TBX1: variants seen among roughly 807,000 people sequenced by gnomAD.
TBX1 encodes the protein T-box transcription factor TBX1.
A neutral mutation model predicts 40.8 loss-of-function variants in TBX1; 16 were observed. The observed-to-expected ratio is 0.39, with a 90% CI of 0.27 to 0.60. The LOEUF (loss-of-function observed/expected upper bound fraction) is 0.60, where lower values mean the gene tolerates loss of function less well. Among genes scored for constraint, TBX1 ranks in the 20% least tolerant of loss-of-function variants. The pLI is 0.51. For synonymous variants in TBX1, 403 were observed against 336.8 expected (o/e 1.20, Z -2.15); for missense variants, 755 against 728.5 (o/e 1.04, Z -0.42).
Position 19,766,515 on chromosome 22 carries a change from C to T in TBX1, c.1163C>T (p.Ala388Val). 7.6e-7 allele frequency: 1 copy of T among 1,313,174 alleles called. No individual in the cohort carries two copies. The allele number at this position is 1,313,174 out of a possible 1,614,324, so 81.3% of individuals were successfully genotyped here. The stretch of plus-strand genomic sequence containing the variant: ...CCCTCGCTGCCCGGGGCCGGCGGCG[C>T]CGGCGGCTTAGTCCCGCTGCCCGGC... ...LSPSLPGAGGAGGLVPLPGAP... is the reference protein window; with the variant it reads ...LSPSLPGAGGVGGLVPLPGAP... Residue 388 changes from alanine (A) to valine (V), a missense_variant, in exon 7 of 7, where the codon GCC (alanine) becomes GTC (valine). Physicochemically the swap from Ala to Val is moderately conservative, Grantham distance 64 (BLOSUM62 0). This residue lies in a region of TBX1 where 412 missense variants were observed against 317.6 expected (regional missense o/e 1.30). Coordinates refer to ENST00000649276, the MANE Select transcript of TBX1 (RefSeq NM_001379200.1).
downstream of TBX1, among the ~76,000 whole-genome samples, chr22:19,771,998 C>T (rs1936997777): frequency 6.6e-6 from 1 of 152,236 alleles, no homozygotes; most frequent in Non-Finnish European, 1.5e-5. Context: ...CAGGACCTTA[C>T]TCTTCATTCA....
At chr22:19,758,068 C>G (rs1936526658), upstream of TBX1, among the ~76,000 whole-genome samples, 1 of 152,166 alleles carries the variant, frequency 6.6e-6, no homozygotes, top group African/African-American at 2.4e-5. Context: ...GTTCCTGAAC[C>G]TCAGGCCCAG....
At chr22:19,758,361 A>C (rs1476800037), upstream of TBX1, among the ~76,000 whole-genome samples, 1 of 152,200 alleles carries the variant, frequency 6.6e-6, no homozygotes, top group East Asian at 1.9e-4. Flanking sequence ...GCTGAGGTTG[A>C]CACCCAGCTG....
intron 8 of TBX1, among the ~76,000 whole-genome samples, chr22:19,776,677 C>T (rs1349560645): frequency 3.3e-5 from 5 of 152,218 alleles, no homozygotes; most frequent in Non-Finnish European, 5.9e-5. Context: ...TTCAAGAGAG[C>T]ACGCCTACCC....
downstream of TBX1, chr22:19,783,181 C>G (rs891040524): frequency 3.9e-5 from 26 of 667,948 alleles, no homozygotes; most frequent in Non-Finnish European, 6.3e-5. Flanking sequence ...CCTAAATTCC[C>G]GACCCACGGA....
chr22:19,776,855 AG>A (rs41297820), intron 8 of TBX1, among the ~76,000 whole-genome samples: 3 of 152,242 alleles, frequency 2.0e-5, no homozygotes, highest in African/African-American at 7.2e-5. Flanking sequence ...GGAAGGAAGC[AG>A]GCTCGGGAGG....
upstream of TBX1, among the ~76,000 whole-genome samples, chr22:19,757,560 G>A (rs1032688717): frequency 7.9e-5 from 12 of 152,180 alleles, no homozygotes; most frequent in African/African-American, 2.9e-4. Flanking sequence ...ACATGCAGGA[G>A]CCCCACCCCC....
At chr22:19,766,202 A>T in intron 6 of TBX1, 187 bp from the exon 7 acceptor site, 1 of 900,480 alleles carries the variant, frequency 1.1e-6, no homozygotes, top group Non-Finnish European at 1.4e-6. Flanking sequence ...CGCCGCCCGC[A>T]GAGGGGCGCG....
At chr22:19,762,430 G>C (rs141090457) in intron 1 of TBX1, among the ~76,000 whole-genome samples, 166 of 152,332 alleles carry the variant, frequency 1.1e-3, no homozygotes, top group African/African-American at 3.9e-3. Context: ...TTGTCCTGAA[G>C]GGCCCCACGG....
chr22:19,778,128 G>C (rs1421580362), intron 8 of TBX1, among the ~76,000 whole-genome samples: 1 of 152,012 alleles, frequency 6.6e-6, no homozygotes, highest in African/African-American at 2.4e-5. Context: ...ATCTTGCTCT[G>C]TCACCCAGGC....
chr22:19,762,865 G>A (rs1011464391), intron 1 of TBX1, among the ~76,000 whole-genome samples: 1 of 152,224 alleles, frequency 6.6e-6, no homozygotes, highest in Non-Finnish European at 1.5e-5. Context: ...AAGCTGGGGA[G>A]GCTCTGCTAA....
At chr22:19,782,983 G>A, downstream of TBX1, 1 of 1,367,478 alleles carries the variant, frequency 7.3e-7, no homozygotes, top group Non-Finnish European at 1.0e-6. Flanking sequence ...CAAGTAAGAA[G>A]TCTGAGTCCC....
At chr22:19,779,798 G>A (rs575951896), downstream of TBX1, among the ~76,000 whole-genome samples, 81 of 152,286 alleles carry the variant, frequency 5.3e-4, no homozygotes, top group Admixed American at 3.7e-3. Context: ...TCTCTATCGC[G>A]TTCTTATTCT....
At chr22:19,778,439 C>CT (rs111819861) in intron 8 of TBX1, among the ~76,000 whole-genome samples, 12,542 of 143,862 alleles carry the variant, frequency 0.087, 984 homozygotes, top group African/African-American at 0.22. Context: ...TTTTCTTCTT[C>CT]TTTTTTTTTT....
At position 19,766,026 on chromosome 22, in the gene TBX1, G is replaced by A. The variant is rs1387266041; in HGVS notation, c.1036+24G>A. The A allele has an allele frequency of 1.0e-5, 15 of 1,482,646 alleles. No homozygotes were observed. The Admixed American group carries it at 1.3e-4, about 13-fold the overall frequency. The allele number at this position is 1,482,646 out of a possible 1,614,324, so 91.8% of individuals were successfully genotyped here. On this transcript the variant is annotated intron_variant, in intron 6 of 6. Transcript: ENST00000649276. ...AGGTAGGGCCGGGGTCGTGGGATCCGGGTTCCGGCCCTGTGCGCGCTCTAC... is the reference window on the plus strand; with the variant it reads ...AGGTAGGGCCGGGGTCGTGGGATCCAGGTTCCGGCCCTGTGCGCGCTCTAC...
intron 8 of TBX1, among the ~76,000 whole-genome samples, chr22:19,773,046 G>T (rs532497027): frequency 6.6e-6 from 1 of 152,366 alleles, no homozygotes; most frequent in Admixed American, 6.5e-5. Flanking sequence ...GGGCACCGCA[G>T]AGTGGCCGCT....
exon 9 of TBX1, chr22:19,779,285 G>A: frequency 1.2e-6 from 2 of 1,614,264 alleles, no homozygotes; most frequent in Non-Finnish European, 1.7e-6. Flanking sequence ...AGAGAGAGAA[G>A]TGGAGCTTCT....
upstream of TBX1, chr22:19,760,772 C>T: frequency 5.3e-6 from 2 of 377,806 alleles, no homozygotes; most frequent in South Asian, 2.0e-4. Flanking sequence ...CAGCGCGGCG[C>T]CCGCCACTCG....
chr22:19,780,031 C>T (rs1423048782), downstream of TBX1, among the ~76,000 whole-genome samples: 1 of 152,168 alleles, frequency 6.6e-6, no homozygotes, highest in Non-Finnish European at 1.5e-5. Flanking sequence ...AACTTCTTAC[C>T]ACAAAAATGA....
Sources: gnomAD v4.1 joint callset for allele counts (sites outside exome capture counted in the v4.1 genomes callset) on GRCh38, gnomAD v4.1.1 for gene constraint, gnomAD v4.1.1 regional missense constraint, MANE v1.5 for transcripts, NCBI Gene and HGNC (gene_info 2026-07-23, HGNC 2026-07-21) for gene names.